Variants in CHST10 observed in about 807,000 individuals in gnomAD.
The protein encoded by CHST10 is carbohydrate sulfotransferase 10, also known as HNK-1 sulfotransferase.
Under a neutral mutation model 34.7 loss-of-function variants are expected in CHST10, and 24 were observed. The observed-to-expected ratio is 0.69, with a 90% confidence interval of 0.50 to 0.97. CHST10 has a LOEUF of 0.97. Among genes scored for constraint, CHST10 ranks in the 50% least tolerant of loss-of-function variants. CHST10 has a pLI of 0.00. For synonymous variants in CHST10, 161 were observed against 169.3 expected (o/e 0.95, Z 0.38); for missense variants, 402 against 452.1 (o/e 0.89, Z 1.00).
intron 4 of CHST10, among the ~76,000 whole-genome samples, chr2:100,399,075 C>T (rs1312606705): frequency 6.6e-6 from 1 of 150,756 alleles, no homozygotes; most frequent in Non-Finnish European, 1.5e-5. Context: ...ATTTTTAAGG[C>T]TTCAGCTGCT....
chr2:100,409,156 G>A (rs980380704), intron 2 of CHST10, among the ~76,000 whole-genome samples: 1 of 152,158 alleles, frequency 6.6e-6, no homozygotes, highest in Non-Finnish European at 1.5e-5. Context: ...ATTCCCTCCA[G>A]GCTTCCAACC....
intron 4 of CHST10, among the ~76,000 whole-genome samples, chr2:100,399,853 A>T (rs946123816): frequency 3.3e-5 from 5 of 152,216 alleles, no homozygotes; most frequent in African/African-American, 1.2e-4. Flanking sequence ...ACACTGGGGA[A>T]GCGAGAGGCC....
intron 3 of CHST10, among the ~76,000 whole-genome samples, chr2:100,406,092 GC>G (rs1675560211): frequency 6.6e-6 from 1 of 152,196 alleles, no homozygotes; most frequent in African/African-American, 2.4e-5. Context: ...AGCTAAGAAA[GC>G]CTCCAAGACA....
intron 4 of CHST10, among the ~76,000 whole-genome samples, chr2:100,400,162 T>C (rs1349480325): frequency 2.0e-5 from 3 of 152,242 alleles, no homozygotes; most frequent in Non-Finnish European, 4.4e-5. Context: ...CAGAAAACTC[T>C]GCACTTTTAG....
intron 1 of CHST10, chr2:100,416,961 G>A (rs775475009): frequency 7.7e-7 from 1 of 1,303,870 alleles, no homozygotes; most frequent in South Asian, 1.2e-5. Context: ...CAGGGAACGT[G>A]CATTCCCACC....
At chr2:100,415,619 T>A (rs1392451632) in intron 1 of CHST10, among the ~76,000 whole-genome samples, 1 of 152,188 alleles carries the variant, frequency 6.6e-6, no homozygotes, top group Non-Finnish European at 1.5e-5. Flanking sequence ...TAACATACAA[T>A]AAAGCCCAAG....
chr2:100,417,085 G>T, intron 1 of CHST10: 1 of 1,297,736 alleles, frequency 7.7e-7, no homozygotes, highest in Non-Finnish European at 1.0e-6. Flanking sequence ...AATTACAAAC[G>T]CAAATTCTCA....
chr2:100,414,367 C>T (rs1276756883), intron 2 of CHST10, among the ~76,000 whole-genome samples: 1 of 151,924 alleles, frequency 6.6e-6, no homozygotes, highest in East Asian at 1.9e-4. Context: ...AAACTTCACA[C>T]ACACACACAC....
chr2:100,406,664 C>T lies in CHST10; in HGVS notation c.12G>A (p.Gln4=), dbSNP rs1237801529. 2 of 1,612,400 alleles carry T rather than the reference C, an allele frequency of 1.2e-6. No homozygotes were observed. The highest frequency in any genetic ancestry group is 1.7e-6 in the Non-Finnish European group (2 of 1,179,090). MHH[Q]WLLLAACFWV... The stretch of plus-strand genomic sequence containing the variant: ...AAAAGCATGCGGCCAGCAGAAGCCA[C>T]TGGTGGTGCATGTTGTCACACCGCA... The change falls in exon 3 of 7, where the codon CAG becomes CAA. Residue 4 remains glutamine (Q), a synonymous_variant. Transcript: ENST00000264249.
At chr2:100,398,764 G>C (rs1303721294) in intron 4 of CHST10, among the ~76,000 whole-genome samples, 3 of 152,150 alleles carry the variant, frequency 2.0e-5, no homozygotes, top group East Asian at 3.9e-4. Context: ...TCTAGCTAGG[G>C]GGAAAAAGAT....
chr2:100,393,130 C>A lies in CHST10; in HGVS notation c.*115G>T. 8.8e-7 allele frequency: 1 copy of A among 1,141,918 alleles called. No homozygotes were observed. The highest frequency in any genetic ancestry group is 1.3e-6 in the Non-Finnish European group (1 of 792,432). The allele number at this position is 1,141,918 out of a possible 1,614,324, so 70.7% of individuals were successfully genotyped here. On this transcript the variant is annotated 3_prime_UTR_variant, in exon 7 of 7. Transcript: ENST00000264249. The stretch of plus-strand genomic sequence containing the variant: ...AGGCAACTCACAGGCCTGTGGGAGA[C>A]CCCGGGCGTCCTCAAAGGAGGGGTG...
chr2:100,407,578 A>G (rs1487331970), intron 2 of CHST10: 1 of 152,216 alleles, frequency 6.6e-6, no homozygotes, highest in Non-Finnish European at 1.5e-5. Context: ...CCCTCAACAC[A>G]GTGCTGATGG....
At chr2:100,395,361 C>T (rs1383700044) in intron 6 of CHST10, 148 bp downstream of exon 6, 3 of 608,062 alleles carry the variant, frequency 4.9e-6, no homozygotes, top group Middle Eastern at 3.0e-4. Context: ...GGGGGTGTAG[C>T]TTAGCTGCCT....
intron 2 of CHST10, among the ~76,000 whole-genome samples, chr2:100,409,366 T>C (rs946347828): frequency 6.6e-6 from 1 of 152,176 alleles, no homozygotes; most frequent in Non-Finnish European, 1.5e-5. Context: ...GGAAGCCAGG[T>C]GGCCTAGGGA....
At position 100,393,189 on chromosome 2, in the gene CHST10, T is replaced by C. The variant is rs534859630; in HGVS notation, c.*56A>G. On this transcript the variant is annotated 3_prime_UTR_variant, in exon 7 of 7. Coordinates refer to ENST00000264249, the MANE Select transcript of CHST10 (RefSeq NM_004854.5). ...GAAGGGTCATTTCTGGGCTCAGATC[T>C]TCACCTGGTTAGCCCCAGGTCTAAT... 3.3e-3 allele frequency: 5,138 copies of C among 1,569,820 alleles called. 12 individuals carry two copies. Among genetic ancestry groups the C allele is most frequent in the Non-Finnish European group, 3.9e-3 (4,494 of 1,152,268 alleles).
intron 4 of CHST10, among the ~76,000 whole-genome samples, chr2:100,399,972 C>A (rs1008406095): frequency 6.6e-6 from 1 of 152,206 alleles, no homozygotes; most frequent in Non-Finnish European, 1.5e-5. Context: ...CTTGCTCTTA[C>A]AAGAACGGGT....
At chr2:100,394,733 T>TC (rs1175607441) in intron 6 of CHST10, among the ~76,000 whole-genome samples, 1 of 151,780 alleles carries the variant, frequency 6.6e-6, no homozygotes, top group African/African-American at 2.4e-5. Flanking sequence ...CTTCTTTTTT[T>TC]TTTTTTTTGA....
intron 2 of CHST10, 111 bp from the exon 3 acceptor site, chr2:100,406,818 G>GT: frequency 7.4e-7 from 1 of 1,358,146 alleles, no homozygotes; most frequent in Non-Finnish European, 9.9e-7. Context: ...AAATATTTCC[G>GT]TTTTTTTCCA....
chr2:100,409,924 G>T (rs1675752936), intron 2 of CHST10, among the ~76,000 whole-genome samples: 1 of 152,122 alleles, frequency 6.6e-6, no homozygotes, highest in African/African-American at 2.4e-5. Flanking sequence ...TGGACTGCAG[G>T]GTTCCCACCT....
Sources: gnomAD v4.1 joint callset for allele counts (sites outside exome capture counted in the v4.1 genomes callset) on GRCh38, gnomAD v4.1.1 for gene constraint, MANE v1.5 for transcripts, NCBI Gene and HGNC (gene_info 2026-07-23, HGNC 2026-07-21) for gene names.